Variants in CSMD1 observed in about 807,000 individuals in gnomAD.
The protein encoded by CSMD1 is CUB and Sushi multiple domains 1.
A neutral mutation model predicts 417.5 loss-of-function variants in CSMD1; 213 were observed. The observed-to-expected ratio is 0.51, with a 90% CI of 0.46 to 0.57. The LOEUF is 0.57. Ranked by LOEUF, CSMD1 falls within the 20% of genes least tolerant of loss-of-function variation. The pLI is 0.00. For synonymous variants in CSMD1, 2,862 were observed against 1,736.8 expected, an observed-to-expected ratio of 1.65 and a Z score of -16.11; for missense variants, 6,923 against 4,529.7, an observed-to-expected ratio of 1.53 and a Z score of -15.17.
chr8:3,606,996 C>T (rs538432618), intron 8 of CSMD1, among the ~76,000 whole-genome samples: 8 of 152,112 alleles, frequency 5.3e-5, no homozygotes, highest in Non-Finnish European at 7.3e-5. Context: ...AAGCGTGAGC[C>T]GCCGTGCCTG....
chr8:3,014,766 AG>A (rs1808695278), intron 52 of CSMD1, among the ~76,000 whole-genome samples: 1 of 152,138 alleles, frequency 6.6e-6, no homozygotes, highest in African/African-American at 2.4e-5. Context: ...AATTGTAAAT[AG>A]TTAGCTGGGC....
At chr8:4,667,936 C>T (rs953482266) in intron 1 of CSMD1, among the ~76,000 whole-genome samples, 2 of 152,160 alleles carry the variant, frequency 1.3e-5, no homozygotes, top group African/African-American at 4.8e-5. Flanking sequence ...TTCACACATA[C>T]GTCTTTGAAA....
intron 5 of CSMD1, among the ~76,000 whole-genome samples, chr8:3,783,414 G>A (rs1799286174): frequency 6.6e-6 from 1 of 152,196 alleles, no homozygotes; most frequent in Admixed American, 6.5e-5. Flanking sequence ...GCACAGTCAG[G>A]CGGCCCTGGG....
intron 37 of CSMD1, among the ~76,000 whole-genome samples, chr8:3,173,370 T>A (rs906430648): frequency 6.6e-6 from 1 of 152,200 alleles, no homozygotes; most frequent in African/African-American, 2.4e-5. Context: ...GATATTTCCA[T>A]GGTCCTTGGT....
chr8:3,103,520 T>G (rs1443219878), intron 46 of CSMD1, among the ~76,000 whole-genome samples: 1 of 151,902 alleles, frequency 6.6e-6, no homozygotes, highest in Non-Finnish European at 1.5e-5. Context: ...ATTGAAAAGG[T>G]AATGCGTGGC....
chr8:2,978,566 C>A, intron 55 of CSMD1, 46 bp downstream of exon 55: 1 of 1,445,948 alleles, frequency 6.9e-7, no homozygotes, highest in Non-Finnish European at 9.3e-7. Context: ...CTGATGGTGA[C>A]CTTGCAGGGG....
chr8:4,458,832 A>G lies in CSMD1; in HGVS notation c.303-38767T>C, dbSNP rs554755390. 6.6e-5 allele frequency among the ~76,000 whole-genome samples: 10 copies of G among 152,324 alleles called. No individual in the cohort carries two copies. In the Middle Eastern group the frequency reaches 0.01, roughly 155 times the overall value. Reference sequence around the variant, plus strand: ...ACTTTTCAATTAGATCCAAAGACCCACTTTCAGAACTGAGGCAAGCGTAGC... The same window carrying G: ...ACTTTTCAATTAGATCCAAAGACCCGCTTTCAGAACTGAGGCAAGCGTAGC... On this transcript the variant is annotated intron_variant, in intron 2 of 69. Transcript: ENST00000635120.
At chr8:4,810,347 G>A (rs923704198) in intron 1 of CSMD1, among the ~76,000 whole-genome samples, 5 of 152,132 alleles carry the variant, frequency 3.3e-5, no homozygotes, top group African/African-American at 1.2e-4. Context: ...TGCACAGCTT[G>A]CATTTTTGTT....
chr8:4,449,821 T>G (rs1241284232), intron 2 of CSMD1, among the ~76,000 whole-genome samples: 1 of 152,112 alleles, frequency 6.6e-6, no homozygotes, highest in Admixed American at 6.6e-5. Context: ...AAGCTTCCCC[T>G]CCTACGTTCC....
chr8:3,324,164 G>T (rs561134846), intron 23 of CSMD1, among the ~76,000 whole-genome samples: 1 of 120,748 alleles, frequency 8.3e-6, no homozygotes, highest in Non-Finnish European at 1.7e-5. Flanking sequence ...AGACTCGGGA[G>T]GGGGAGTTTC....
At chr8:3,248,188 G>C (rs73185568) in intron 26 of CSMD1, among the ~76,000 whole-genome samples, 2 of 152,062 alleles carry the variant, frequency 1.3e-5, no homozygotes, top group Non-Finnish European at 2.9e-5. Flanking sequence ...AAAGAATGAA[G>C]TATGAAAACA....
intron 2 of CSMD1, among the ~76,000 whole-genome samples, chr8:4,446,049 A>G (rs111778982): frequency 0.016 from 2,396 of 152,274 alleles, 59 homozygotes; most frequent in African/African-American, 0.054. Flanking sequence ...CAGCCCAAGA[A>G]GAGGAGACGA....
chr8:3,308,913 C>G (rs182593458), intron 23 of CSMD1, among the ~76,000 whole-genome samples: 1 of 151,718 alleles, frequency 6.6e-6, no homozygotes, highest in Admixed American at 6.6e-5. Context: ...TTAGTAGAGA[C>G]GGGGTTTCAC....
At chr8:4,113,671 T>A (rs1162881126) in intron 3 of CSMD1, among the ~76,000 whole-genome samples, 1 of 152,166 alleles carries the variant, frequency 6.6e-6, no homozygotes, top group Non-Finnish European at 1.5e-5. Context: ...CCCAAAGTGC[T>A]AGGATTACAG....
At chr8:4,512,669 T>C (rs1462764959) in intron 2 of CSMD1, among the ~76,000 whole-genome samples, 1 of 152,078 alleles carries the variant, frequency 6.6e-6, no homozygotes, top group Non-Finnish European at 1.5e-5. Flanking sequence ...CAAAATTAAA[T>C]ATAATAATAC....
At chr8:3,985,998 C>T (rs1050131831) in intron 5 of CSMD1, among the ~76,000 whole-genome samples, 1 of 151,940 alleles carries the variant, frequency 6.6e-6, no homozygotes. Context: ...TTAAGCCAGG[C>T]CCCACCCACT....
At chr8:4,314,115 C>G (rs1798789804) in intron 3 of CSMD1, among the ~76,000 whole-genome samples, 1 of 151,910 alleles carries the variant, frequency 6.6e-6, no homozygotes, top group African/African-American at 2.4e-5. Flanking sequence ...CTGATACCAC[C>G]ATGTATCCGA....
At chr8:4,857,936 C>G (rs944617195) in intron 1 of CSMD1, among the ~76,000 whole-genome samples, 1 of 151,884 alleles carries the variant, frequency 6.6e-6, no homozygotes, top group Non-Finnish European at 1.5e-5. Flanking sequence ...CATTCTGATA[C>G]CAAAGCCAGG....
At chr8:4,699,986 A>C (rs1406808270) in intron 1 of CSMD1, among the ~76,000 whole-genome samples, 2 of 152,220 alleles carry the variant, frequency 1.3e-5, no homozygotes, top group Non-Finnish European at 2.9e-5. Flanking sequence ...TCTCATTATA[A>C]TACATGGCTT....
Sources: allele counts gnomAD v4.1 joint callset (sites outside exome capture counted in the v4.1 genomes callset), GRCh38; gene constraint gnomAD v4.1.1; transcripts MANE v1.5; gene names NCBI Gene and HGNC (gene_info 2026-07-23, HGNC 2026-07-21).